MACROD2: variants seen among roughly 807,000 people sequenced by gnomAD.
MACROD2 encodes mono-ADP ribosylhydrolase 2.
MACROD2 carries 36 observed loss-of-function variants against 70.4 expected under a neutral mutation model. The ratio of observed to expected loss-of-function variants is 0.51; its 90% confidence interval spans 0.39 to 0.68. The LOEUF is 0.68. MACROD2 is among the 30% of genes least tolerant of loss of function. MACROD2 has a pLI of 0.00. For missense variants in MACROD2, 496 were observed against 538.4 expected (o/e 0.92, Z 0.78); for synonymous variants, 172 against 178.8 (o/e 0.96, Z 0.30).
chr20:15,054,331 C>G (rs2075466041), intron 5 of MACROD2, among the ~76,000 whole-genome samples: 1 of 152,032 alleles, frequency 6.6e-6, no homozygotes, highest in African/African-American at 2.4e-5. Context: ...AATTGGCTAA[C>G]TTCTTTGTTG....
At chr20:14,967,874 G>A (rs764321268) in intron 5 of MACROD2, among the ~76,000 whole-genome samples, 6 of 151,962 alleles carry the variant, frequency 3.9e-5, no homozygotes, top group Admixed American at 6.6e-5. Context: ...TAACCTACCC[G>A]ATAGTGTTGT....
At chr20:14,072,413 G>A (rs1308207503) in intron 2 of MACROD2, among the ~76,000 whole-genome samples, 3 of 120,156 alleles carry the variant, frequency 2.5e-5, no homozygotes, top group Non-Finnish European at 5.4e-5. Flanking sequence ...TGGGCTGCCT[G>A]GGTTCAAATC....
At chr20:14,319,282 T>G (rs1283928065) in intron 3 of MACROD2, among the ~76,000 whole-genome samples, 1 of 152,142 alleles carries the variant, frequency 6.6e-6, no homozygotes, top group Admixed American at 6.5e-5. Context: ...AACTGTAGCT[T>G]CTCGGTCTTT....
intron 4 of MACROD2, among the ~76,000 whole-genome samples, chr20:14,579,422 T>G (rs1049317016): frequency 6.6e-6 from 1 of 151,724 alleles, no homozygotes; most frequent in Non-Finnish European, 1.5e-5. Flanking sequence ...ATTACAGGCG[T>G]GAGCCACCGC....
intron 4 of MACROD2, among the ~76,000 whole-genome samples, chr20:14,581,841 A>G (rs1981042575): frequency 6.6e-6 from 1 of 152,148 alleles, no homozygotes; most frequent in Admixed American, 6.6e-5. Context: ...TGCTCTTGGG[A>G]GTCAGGTAGT....
chr20:15,945,352 A>G (rs2065807376), intron 12 of MACROD2, among the ~76,000 whole-genome samples: 1 of 152,204 alleles, frequency 6.6e-6, no homozygotes, highest in African/African-American at 2.4e-5. Context: ...AGATCTAATT[A>G]ATCCATTTTA....
intron 7 of MACROD2, among the ~76,000 whole-genome samples, chr20:15,497,524 T>G (rs1032110166): frequency 6.6e-6 from 1 of 152,130 alleles, no homozygotes; most frequent in Non-Finnish European, 1.5e-5. Context: ...GCTCCTGACC[T>G]CGTGATCCTC....
At chr20:15,503,616 A>G (rs2047390891) in intron 8 of MACROD2, among the ~76,000 whole-genome samples, 1 of 152,240 alleles carries the variant, frequency 6.6e-6, no homozygotes, top group African/African-American at 2.4e-5. Flanking sequence ...GAACCAAGGT[A>G]GCTCATTTTC....
intron 3 of MACROD2, among the ~76,000 whole-genome samples, chr20:14,246,520 CTG>C (rs1255263969): frequency 6.6e-6 from 1 of 152,128 alleles, no homozygotes; most frequent in Non-Finnish European, 1.5e-5. Context: ...TTAAATTAGT[CTG>C]TTTTTCCTCT....
In MACROD2 at chr20:14,525,107, C is replaced by T. The variant is rs545959668; in HGVS notation, c.301+31599C>T. ...CCCTTTATAACTGGCCATTTGGTTT[C>T]AAAATACTACAAGTAGTACCCACTG... On this transcript the variant is annotated intron_variant, in intron 4 of 17. Coordinates refer to ENST00000684519, the MANE Select transcript of MACROD2 (RefSeq NM_001351661.2). Among the ~76,000 whole-genome samples the T allele has an allele frequency of 6.6e-5, 10 of 152,124 alleles. 1 individual carries two copies. Among genetic ancestry groups the T allele is most frequent in the Admixed American group, 3.9e-4 (6 of 15,278 alleles).
intron 7 of MACROD2, among the ~76,000 whole-genome samples, chr20:15,435,425 A>G (rs981798922): frequency 6.6e-5 from 10 of 152,148 alleles, no homozygotes; most frequent in African/African-American, 2.2e-4. Context: ...AGATCATATT[A>G]TATGGACATG....
At chr20:14,972,268 C>T (rs1350965328) in intron 5 of MACROD2, among the ~76,000 whole-genome samples, 1 of 152,172 alleles carries the variant, frequency 6.6e-6, no homozygotes, top group African/African-American at 2.4e-5. Flanking sequence ...AAAGGCTTCT[C>T]TTGATGTGGG....
At chr20:14,378,302 G>A (rs1390014462) in intron 3 of MACROD2, among the ~76,000 whole-genome samples, 1 of 152,178 alleles carries the variant, frequency 6.6e-6, no homozygotes, top group East Asian at 1.9e-4. Context: ...CTAACTGCAA[G>A]GGGTACTGGC....
chr20:14,406,012 G>C (rs929240148), intron 3 of MACROD2, among the ~76,000 whole-genome samples: 3 of 152,096 alleles, frequency 2.0e-5, no homozygotes, highest in African/African-American at 7.2e-5. Context: ...AATTATTCCT[G>C]TGGATCATAA....
intron 3 of MACROD2, among the ~76,000 whole-genome samples, chr20:14,415,015 GTC>G (rs1335009243): frequency 1.3e-5 from 2 of 149,776 alleles, no homozygotes; most frequent in African/African-American, 4.9e-5. Flanking sequence ...TTTATTACCT[GTC>G]TCTTTCTACT....
At chr20:15,105,938 A>G (rs1189109351) in intron 5 of MACROD2, among the ~76,000 whole-genome samples, 1 of 152,176 alleles carries the variant, frequency 6.6e-6, no homozygotes, top group African/African-American at 2.4e-5. Context: ...CAGTATCACT[A>G]TGAGAGTACA....
At chr20:15,007,999 C>T (rs1276005218) in intron 5 of MACROD2, among the ~76,000 whole-genome samples, 1 of 152,188 alleles carries the variant, frequency 6.6e-6, no homozygotes, top group Admixed American at 6.5e-5. Flanking sequence ...CAGGAAAGCA[C>T]AGTAGAAGAG....
At chr20:15,245,834 G>A (rs1396141919) in intron 6 of MACROD2, among the ~76,000 whole-genome samples, 1 of 152,164 alleles carries the variant, frequency 6.6e-6, no homozygotes, top group Non-Finnish European at 1.5e-5. Flanking sequence ...CTTACCATGG[G>A]TTTATCGGGA....
chr20:15,188,396 C>A (rs575961667), intron 5 of MACROD2, among the ~76,000 whole-genome samples: 1 of 152,122 alleles, frequency 6.6e-6, no homozygotes, highest in African/African-American at 2.4e-5. Context: ...TCCAAAGAGT[C>A]GAGCAACATG....
Sources: allele counts gnomAD v4.1 joint callset (sites outside exome capture counted in the v4.1 genomes callset), GRCh38; gene constraint gnomAD v4.1.1; transcripts MANE v1.5; gene names NCBI Gene and HGNC (gene_info 2026-07-23, HGNC 2026-07-21).